PPFIBP2: variants seen among roughly 807,000 people sequenced by gnomAD.
PPFIBP2 encodes the protein liprin-beta-2.
PPFIBP2 carries 118 observed loss-of-function variants against 118.3 expected under a neutral mutation model. That is an observed-to-expected ratio of 1.00 (90% CI 0.86 to 1.16). The LOEUF is 1.16. PPFIBP2 is among the 50% of genes most tolerant of loss of function. The probability of loss-of-function intolerance (pLI) is 0.00; values close to 1 mark genes in which losing one functional copy is unlikely to be tolerated. For synonymous variants in PPFIBP2, 414 were observed against 397.4 expected (o/e 1.04, Z -0.50); for missense variants, 1,195 against 1,073.1 (o/e 1.11, Z -1.59).
intron 5 of PPFIBP2, among the ~76,000 whole-genome samples, chr11:7,602,669 G>A (rs1257448166): frequency 6.6e-6 from 1 of 152,208 alleles, no homozygotes; most frequent in Non-Finnish European, 1.5e-5. Context: ...AGGGAGGACT[G>A]TGGGGAGCAA....
Position 7,648,512 on chromosome 11 carries a change from C to G in PPFIBP2, c.1772C>G (p.Thr591Arg), listed in dbSNP as rs1853468244. The change falls in exon 18 of 24, where the codon ACA becomes AGA. Residue 591 changes from threonine (T) to arginine (R), a missense_variant. Physicochemically the swap from Thr to Arg is moderately conservative, Grantham distance 71. Transcript: ENST00000299492. ...GTATCTTCTGGCCACACCTTATTGA[C>G]AGCCACCCCTCAGGACATGGAAAAG... ...QWVSSGHTLL[T>R]ATPQDMEKEL... 1.2e-6 allele frequency: 2 copies of G among 1,613,978 alleles called. No homozygotes were observed. The highest frequency in any genetic ancestry group is 2.7e-5 in the African/African-American group (2 of 74,882).
At position 7,616,850 on chromosome 11, in the gene PPFIBP2, T is replaced by C. The variant is rs527520932; in HGVS notation, c.619-4085T>C. ...TTCTTCTAGACTCCATGCCTCGGTG[T>C]TGACACAACAATATGGCACAAAGGA... is the stretch of plus-strand genomic sequence containing the variant. On this transcript the variant is annotated intron_variant, in intron 6 of 23. Coordinates refer to ENST00000299492, the MANE Select transcript of PPFIBP2 (RefSeq NM_003621.5). The surrounding 1 kb of genome is among the most constrained non-coding windows in gnomAD (Gnocchi z 5.2). Among the ~76,000 whole-genome samples, 7 of 152,018 alleles carry C rather than the reference T, an allele frequency of 4.6e-5. No homozygotes were observed. The South Asian group carries it at 1.0e-3, about 23-fold the overall frequency.
chr11:7,642,379 C>T lies in PPFIBP2; in HGVS notation c.1599C>T (p.Thr533=), dbSNP rs192040010. 9.7e-5 allele frequency: 156 copies of T among 1,614,000 alleles called. No homozygotes were observed. The South Asian group carries it at 1.4e-3, about 14-fold the overall frequency. Residue 533 remains threonine (T), a synonymous_variant, in exon 17 of 24, where the codon ACC becomes ACT. Coordinates refer to ENST00000299492, the MANE Select transcript of PPFIBP2 (RefSeq NM_003621.5). ...AEFRRGGLRA[T]AGPRLSRTRD... is the part of the protein sequence containing the mutation. ...TTCGACGAGGTGGGCTCCGGGCAAC[C>T]GCAGGGCCAAGACTCTCTAGGACCA...
chr11:7,553,216 AC>A (rs1170781029), intron 2 of PPFIBP2, among the ~76,000 whole-genome samples: 24 of 144,436 alleles, frequency 1.7e-4, no homozygotes, highest in Admixed American at 1.6e-3. Context: ...TTTTGGAATA[AC>A]AAATTATTAT....
the PPFIBP2 span, among the ~76,000 whole-genome samples, chr11:7,663,880 C>T: frequency 3.3e-5 from 5 of 152,192 alleles, no homozygotes; most frequent in Non-Finnish European, 5.9e-5. Flanking sequence ...GTCGGAAAAG[C>T]GCAGTATTCT....
At chr11:7,528,659 T>A (rs1850424836) in intron 1 of PPFIBP2, among the ~76,000 whole-genome samples, 1 of 152,212 alleles carries the variant, frequency 6.6e-6, no homozygotes, top group South Asian at 2.1e-4. Flanking sequence ...CTGTAGGGGT[T>A]GAGAGGAGGG....
chr11:7,548,713 A>G (rs1036633635), intron 1 of PPFIBP2, among the ~76,000 whole-genome samples: 1 of 152,184 alleles, frequency 6.6e-6, no homozygotes, highest in Non-Finnish European at 1.5e-5. Flanking sequence ...GCTAGGGGAT[A>G]CAGCATTAAG....
the PPFIBP2 span, chr11:7,666,689 CAA>C: frequency 5.2e-6 from 3 of 579,818 alleles, no homozygotes; most frequent in East Asian, 5.9e-5. Context: ...CCACGGCAAA[CAA>C]GAGTTCTGCT....
At chr11:7,662,049 G>T (rs7944645), downstream of PPFIBP2, among the ~76,000 whole-genome samples, 39 of 137,568 alleles carry the variant, frequency 2.8e-4, no homozygotes, top group Admixed American at 1.2e-3. Flanking sequence ...GTCTCTGCAC[G>T]TGAGATGGGT....
chr11:7,647,937 A>G (rs1280865306), intron 17 of PPFIBP2, among the ~76,000 whole-genome samples: 2 of 152,072 alleles, frequency 1.3e-5, no homozygotes, highest in Non-Finnish European at 2.9e-5. Context: ...TTTTGCTTTT[A>G]GTTTTGGGTG....
chr11:7,611,228 T>C (rs575927715), intron 6 of PPFIBP2, among the ~76,000 whole-genome samples: 14 of 152,364 alleles, frequency 9.2e-5, no homozygotes, highest in Middle Eastern at 3.4e-3. Context: ...TGAACTTCAA[T>C]TTCTTTATCT....
intron 23 of PPFIBP2, among the ~76,000 whole-genome samples, chr11:7,652,501 C>T (rs749587102): frequency 5.3e-5 from 8 of 152,220 alleles, no homozygotes; most frequent in African/African-American, 1.9e-4. Context: ...CCAGCTACAA[C>T]TCAGGCACAG....
rs1033796143 is a variant in PPFIBP2 at position 7,642,192 on chromosome 11, C to G, written c.1518-106C>G. ...GGAAGGTACGGAGAAGCAGTGCTGC[C>G]GAGAGTCCCTGTGCTGGCCTGCATG... On this transcript the variant is annotated intron_variant, in intron 16 of 23. Transcript: ENST00000299492. The G allele has an allele frequency of 9.5e-6, 13 of 1,366,394 alleles. No homozygotes were observed. The South Asian group carries it at 1.8e-4, about 18-fold the overall frequency. The allele number at this position is 1,366,394 out of a possible 1,614,324, so 84.6% of individuals were successfully genotyped here. A position where few individuals can be genotyped will look rare whatever the true frequency, so the allele number is the denominator to read the frequency against.
intron 15 of PPFIBP2, among the ~76,000 whole-genome samples, 187 bp from the exon 16 acceptor site, chr11:7,641,292 T>C (rs1852156084): frequency 6.6e-6 from 1 of 152,228 alleles, no homozygotes; most frequent in African/African-American, 2.4e-5. Flanking sequence ...TTGAGCACAC[T>C]AATTTCTCAG....
intron 23 of PPFIBP2, 100 bp from the exon 24 acceptor site, chr11:7,652,924 T>C: frequency 7.5e-7 from 1 of 1,340,064 alleles, no homozygotes; most frequent in Non-Finnish European, 1.0e-6. Context: ...ACATTATTCC[T>C]CTCCTTGAGT....
chr11:7,628,353 T>A lies in PPFIBP2; in HGVS notation c.888+7T>A, dbSNP rs1171158094. On this transcript the variant is annotated splice_region_variant and intron_variant, in intron 9 of 23. Coordinates refer to ENST00000299492, the MANE Select transcript of PPFIBP2 (RefSeq NM_003621.5). Reference sequence around the variant, plus strand: ...GCTTGCCAATGAAGATAAGGTAAGATGGTCATTGGGTAGCCCTGTCTTTTC... The same window carrying A: ...GCTTGCCAATGAAGATAAGGTAAGAAGGTCATTGGGTAGCCCTGTCTTTTC... 6.2e-7 allele frequency: 1 copy of A among 1,613,494 alleles called. No individual in the cohort carries two copies. Among genetic ancestry groups the A allele is most frequent in the Non-Finnish European group, 8.5e-7 (1 of 1,179,498 alleles).
chr11:7,636,109 A>G (rs945429614), intron 14 of PPFIBP2, among the ~76,000 whole-genome samples: 2 of 152,158 alleles, frequency 1.3e-5, no homozygotes, highest in African/African-American at 4.8e-5. Flanking sequence ...AGAAATGAAG[A>G]TTCATATAAT....
chr11:7,577,321 G>C, intron 3 of PPFIBP2: 1 of 166,826 alleles, frequency 6.0e-6, no homozygotes. Flanking sequence ...ATGTATGTGC[G>C]TGTGTGTGTG....
intron 3 of PPFIBP2, among the ~76,000 whole-genome samples, chr11:7,578,596 C>A (rs983390051): frequency 2.0e-5 from 3 of 152,202 alleles, no homozygotes; most frequent in Non-Finnish European, 4.4e-5. Context: ...TCTTGTGGAT[C>A]TTCTACCTAA....
Sources: allele counts gnomAD v4.1 joint callset (sites outside exome capture counted in the v4.1 genomes callset), GRCh38; gene constraint gnomAD v4.1.1; non-coding constraint Gnocchi (gnomAD v3.1); transcripts MANE v1.5; gene names NCBI Gene and HGNC (gene_info 2026-07-23, HGNC 2026-07-21).